The following TMTC1 variants were observed in gnomAD, a reference collection of about 807,000 sequenced individuals.
TMTC1 encodes the protein protein O-mannosyl-transferase TMTC1.
A neutral mutation model predicts 104.8 loss-of-function variants in TMTC1; 73 were observed. That is an observed-to-expected ratio of 0.70 (90% CI 0.58 to 0.85). The LOEUF (loss-of-function observed/expected upper bound fraction) is 0.85. TMTC1 is among the 40% of genes least tolerant of loss of function. TMTC1 has a pLI of 0.00. For synonymous variants in TMTC1, 434 were observed against 428.7 expected (o/e 1.01, Z -0.15); for missense variants, 1,035 against 1,096.1 (o/e 0.94, Z 0.79).
intron 6 of TMTC1, among the ~76,000 whole-genome samples, chr12:29,615,251 T>C (rs1219786276): frequency 6.6e-6 from 1 of 152,146 alleles, no homozygotes; most frequent in Non-Finnish European, 1.5e-5. Context: ...AGTCACACAC[T>C]GGCTTCTCAG....
intron 1 of TMTC1, among the ~76,000 whole-genome samples, chr12:29,780,666 T>A (rs201653514): frequency 1.7e-4 from 12 of 72,106 alleles, no homozygotes; most frequent in Non-Finnish European, 2.8e-4. Flanking sequence ...ATAAAAAAAA[T>A]AGAAGTACAT....
intron 5 of TMTC1, among the ~76,000 whole-genome samples, chr12:29,675,315 T>G (rs913980435): frequency 2.0e-5 from 3 of 152,164 alleles, no homozygotes; most frequent in Non-Finnish European, 2.9e-5. Flanking sequence ...CTGAAAGTTT[T>G]CCAGTCTAAA....
chr12:29,736,261 C>CA lies in TMTC1; in HGVS notation c.938+15404dup, dbSNP rs367958905. 7.9e-3 allele frequency among the ~76,000 whole-genome samples: 698 copies of CA among 88,348 alleles called. 3 individuals carry two copies. Among genetic ancestry groups the CA allele is most frequent in the East Asian group, 0.017 (44 of 2,586 alleles). The allele number at this position is 88,348 out of a possible 152,430, so 58.0% of individuals were successfully genotyped here. On this transcript the variant is annotated intron_variant, in intron 5 of 17. Coordinates refer to ENST00000539277, the MANE Select transcript of TMTC1 (RefSeq NM_001193451.2). Reference sequence around the variant, plus strand: ...CGTAGTTTCACTCCTTAGGTAAAGCCAAAAAAAAAAAAAAAAAAAGGACCG... The same window carrying CA: ...CGTAGTTTCACTCCTTAGGTAAAGCCAAAAAAAAAAAAAAAAAAAAGGACCG...
intron 6 of TMTC1, among the ~76,000 whole-genome samples, chr12:29,624,662 T>C (rs1271776210): frequency 6.6e-6 from 1 of 152,218 alleles, no homozygotes; most frequent in Non-Finnish European, 1.5e-5. Flanking sequence ...ACTTCCTTCA[T>C]GTCTCTGCTC....
At chr12:29,518,776 C>T (rs1032119320) in intron 12 of TMTC1, among the ~76,000 whole-genome samples, 169 bp from the exon 13 acceptor site, 1 of 152,152 alleles carries the variant, frequency 6.6e-6, no homozygotes, top group Non-Finnish European at 1.5e-5. Flanking sequence ...TGGCCATTGC[C>T]TAACTTTGAA....
chr12:29,751,352 G>A (rs1943085237), intron 5 of TMTC1, among the ~76,000 whole-genome samples: 1 of 152,096 alleles, frequency 6.6e-6, no homozygotes, highest in Non-Finnish European at 1.5e-5. Context: ...GAAGGGGAGG[G>A]AGAACGTTCT....
In TMTC1 at chr12:29,735,673, G is replaced by A. The variant is rs553394486; in HGVS notation, c.938+15993C>T. Among the ~76,000 whole-genome samples the A allele has an allele frequency of 5.9e-5, 9 of 152,228 alleles. No homozygotes were observed. The South Asian group carries it at 1.5e-3, about 25-fold the overall frequency. On this transcript the variant is annotated intron_variant, in intron 5 of 17. Coordinates refer to ENST00000539277, the MANE Select transcript of TMTC1 (RefSeq NM_001193451.2). ...CTCTAGCATCAATGTTGACAGGCAC[G>A]GAAGGAAGACTGCATTTTTAACTTG...
chr12:29,778,789 A>G (rs989117697), intron 1 of TMTC1, among the ~76,000 whole-genome samples: 1 of 152,246 alleles, frequency 6.6e-6, no homozygotes, highest in African/African-American at 2.4e-5. Context: ...GTGATTCAGA[A>G]GAAGGGATGT....
Position 29,506,667 on chromosome 12 carries a change from A to G in TMTC1, c.*179T>C. 1 of 680,516 alleles carries G rather than the reference A, an allele frequency of 1.5e-6. No homozygotes were observed. The highest frequency in any genetic ancestry group is 2.7e-5 in the East Asian group (1 of 36,986). 42.2% of individuals were successfully genotyped at this position (680,516 alleles called of 1,614,324 possible). ...CTTGTTTGCTGTTTTCGTCTTCTTC[A>G]TGGAAAAGCAAGTCCTTCAGCACTG... On this transcript the variant is annotated 3_prime_UTR_variant, in exon 18 of 18. Transcript: ENST00000539277.
chr12:29,734,108 T>C (rs1942611647), intron 5 of TMTC1, among the ~76,000 whole-genome samples: 1 of 152,172 alleles, frequency 6.6e-6, no homozygotes, highest in African/African-American at 2.4e-5. Flanking sequence ...TGTCCTAAAA[T>C]AGATGTTGGC....
intron 5 of TMTC1, among the ~76,000 whole-genome samples, chr12:29,750,118 C>T (rs531388889): frequency 6.6e-6 from 1 of 151,730 alleles, no homozygotes; most frequent in South Asian, 2.1e-4. Flanking sequence ...TTCCCATTCC[C>T]CTCAGAATAA....
intron 9 of TMTC1, among the ~76,000 whole-genome samples, chr12:29,561,359 T>G (rs1945372701): frequency 1.3e-5 from 2 of 152,220 alleles, no homozygotes; most frequent in South Asian, 4.1e-4. Context: ...GGCTAAATCA[T>G]TCAACTATGC....
intron 6 of TMTC1, among the ~76,000 whole-genome samples, chr12:29,627,984 T>C (rs61922199): frequency 0.015 from 2,324 of 152,260 alleles, 34 homozygotes; most frequent in Non-Finnish European, 0.026. Context: ...CCAGAGAGAA[T>C]CATGTGCAGA....
At chr12:29,617,817 T>G (rs1205095539) in intron 6 of TMTC1, among the ~76,000 whole-genome samples, 1 of 151,868 alleles carries the variant, frequency 6.6e-6, no homozygotes, top group Non-Finnish European at 1.5e-5. Flanking sequence ...GGAGTGGGGG[T>G]TGGATGGGAC....
At chr12:29,773,906 C>A (rs759157416) in intron 1 of TMTC1, among the ~76,000 whole-genome samples, 1 of 152,188 alleles carries the variant, frequency 6.6e-6, no homozygotes, top group Admixed American at 6.5e-5. Flanking sequence ...ACCTGGCCTA[C>A]AGAAGAGATC....
intron 7 of TMTC1, among the ~76,000 whole-genome samples, chr12:29,591,751 A>G (rs990398386): frequency 1.1e-4 from 17 of 152,232 alleles, no homozygotes; most frequent in African/African-American, 4.1e-4. Flanking sequence ...ACATTCGAAG[A>G]GAATTTAATA....
intron 1 of TMTC1, among the ~76,000 whole-genome samples, chr12:29,769,538 G>A (rs918224676): frequency 2.0e-5 from 3 of 152,234 alleles, no homozygotes; most frequent in Non-Finnish European, 2.9e-5. Flanking sequence ...ACACGAGGCA[G>A]CAGAGCTGCT....
chr12:29,664,158 G>T (rs1355202423), intron 5 of TMTC1, among the ~76,000 whole-genome samples: 1 of 150,828 alleles, frequency 6.6e-6, no homozygotes, highest in Non-Finnish European at 1.5e-5. Context: ...CTGCACTCCA[G>T]CCTGGGCGAC....
Position 29,600,008 on chromosome 12 carries a change from A to ATATATATATATT in TMTC1, c.1250+4169_1250+4170insAATATATATATA, listed in dbSNP as rs59108744. ...TGTGTATATACATATATATATATAT[A>ATATATATATATT]TTTTTTTTTTTTTTTCCCTCAAAAG... On this transcript the variant is annotated intron_variant, in intron 7 of 17. Transcript: ENST00000539277. 7.2e-4 allele frequency among the ~76,000 whole-genome samples: 85 copies of ATATATATATATT among 118,674 alleles called. 1 individual carries two copies. Among genetic ancestry groups the ATATATATATATT allele is most frequent in the African/African-American group, 2.9e-3 (77 of 26,120 alleles). 77.9% of individuals were successfully genotyped at this position (118,674 alleles called of 152,430 possible).
Sources: allele counts gnomAD v4.1 joint callset (sites outside exome capture counted in the v4.1 genomes callset), GRCh38; gene constraint gnomAD v4.1.1; transcripts MANE v1.5; gene names NCBI Gene and HGNC (gene_info 2026-07-23, HGNC 2026-07-21).